The following SERPINB11 variants were observed in gnomAD, a reference collection of about 807,000 sequenced individuals.
SERPINB11 encodes the protein serpin B11.
SERPINB11 carries 32 observed loss-of-function variants against 36.7 expected under a neutral mutation model. That is an observed-to-expected ratio of 0.87 (90% CI 0.66 to 1.17). The LOEUF (loss-of-function observed/expected upper bound fraction) is 1.17. Ranked by LOEUF, SERPINB11 falls within the 50% of genes most tolerant of loss-of-function variation. The pLI is 0.00. For synonymous variants in SERPINB11, 174 were observed against 168.1 expected, an observed-to-expected ratio of 1.04 and a Z score of -0.27; for missense variants, 528 against 458.4, an observed-to-expected ratio of 1.15 and a Z score of -1.39.
intron 3 of SERPINB11, 70 bp from the exon 4 acceptor site, chr18:63,712,491 CTAGA>C: frequency 2.6e-6 from 4 of 1,522,934 alleles, no homozygotes; most frequent in Non-Finnish European, 3.6e-6. Context: ...ACCTTGCTCT[CTAGA>C]TAGTTATCAT....
intron 1 of SERPINB11, among the ~76,000 whole-genome samples, chr18:63,704,777 C>T (rs1424329147): frequency 6.6e-6 from 1 of 152,170 alleles, no homozygotes; most frequent in Non-Finnish European, 1.5e-5. Context: ...GAATAATACA[C>T]ATATAGTACT....
chr18:63,712,776 A>G, intron 4 of SERPINB11, 83 bp downstream of exon 4: 1 of 1,410,624 alleles, frequency 7.1e-7, no homozygotes, highest in South Asian at 1.2e-5. Context: ...GAGTGAGAAG[A>G]GTCACATGAC....
intron 5 of SERPINB11, among the ~76,000 whole-genome samples, chr18:63,716,602 C>T (rs549183947): frequency 6.6e-6 from 1 of 152,264 alleles, no homozygotes; most frequent in African/African-American, 2.4e-5. Flanking sequence ...CTCACCCTTT[C>T]TCCAACACTT....
intron 1 of SERPINB11, among the ~76,000 whole-genome samples, chr18:63,709,695 T>A (rs1914467217): frequency 6.6e-6 from 1 of 151,656 alleles, no homozygotes; most frequent in African/African-American, 2.4e-5. Flanking sequence ...GCGAGTGCTG[T>A]CAACTTGTTT....
rs1914894440 is a variant in SERPINB11 at position 63,723,875 on chromosome 18, A to G, written c.*476A>G. The G allele has an allele frequency of 6.5e-6, 1 of 154,788 alleles. No individual in the cohort carries two copies. Among genetic ancestry groups the G allele is most frequent in the Admixed American group, 6.5e-5 (1 of 15,380 alleles). 9.6% of individuals were successfully genotyped at this position (154,788 alleles called of 1,614,324 possible). A position where few individuals can be genotyped will look rare whatever the true frequency, so the allele number is the denominator to read the frequency against. ...ATTCTCTGTTGAGAATAATAAATGC[A>G]TGAAATACCTTAAAGCTCTGTGAAG... On this transcript the variant is annotated 3_prime_UTR_variant, in exon 8 of 8. Coordinates refer to ENST00000544088, the MANE Select transcript of SERPINB11 (RefSeq NM_001370475.1).
intron 1 of SERPINB11, chr18:63,705,143 C>T (rs1914338774): frequency 6.6e-6 from 1 of 152,284 alleles, no homozygotes; most frequent in Admixed American, 6.5e-5. Flanking sequence ...GGTGCAGTCA[C>T]TGCTCACAGC....
chr18:63,709,147 A>G (rs965080085), intron 1 of SERPINB11, among the ~76,000 whole-genome samples: 17 of 152,226 alleles, frequency 1.1e-4, no homozygotes, highest in African/African-American at 3.9e-4. Context: ...ATATTCCAGC[A>G]TCATCTTTTC....
chr18:63,722,228 G>A (rs1411534012), intron 7 of SERPINB11, among the ~76,000 whole-genome samples: 1 of 152,144 alleles, frequency 6.6e-6, no homozygotes, highest in African/African-American at 2.4e-5. Flanking sequence ...TTGCTTTTTG[G>A]TGGCTTTTAT....
At chr18:63,713,111 C>A (rs1914571451) in intron 4 of SERPINB11, among the ~76,000 whole-genome samples, 1 of 152,122 alleles carries the variant, frequency 6.6e-6, no homozygotes, top group African/African-American at 2.4e-5. Flanking sequence ...TAACTTTGGG[C>A]AAGTCACTTC....
chr18:63,705,830 C>T (rs142654393), intron 1 of SERPINB11: 5 of 152,304 alleles, frequency 3.3e-5, no homozygotes, highest in African/African-American at 9.6e-5. Flanking sequence ...TTACTTAATT[C>T]ACTAAAATGC....
chr18:63,720,409 C>G (rs1450937238), intron 6 of SERPINB11: 6 of 463,868 alleles, frequency 1.3e-5, no homozygotes, highest in African/African-American at 6.1e-5. Flanking sequence ...TCTTAATGCT[C>G]TCTTGGCTTA....
At chr18:63,715,165 T>C (rs971817464) in intron 4 of SERPINB11, among the ~76,000 whole-genome samples, 1 of 152,204 alleles carries the variant, frequency 6.6e-6, no homozygotes, top group African/African-American at 2.4e-5. Context: ...TGTATTGTTC[T>C]ATTCAGTTCA....
intron 3 of SERPINB11, among the ~76,000 whole-genome samples, chr18:63,711,863 T>C (rs1223314014): frequency 1.3e-5 from 2 of 152,106 alleles, no homozygotes; most frequent in Non-Finnish European, 2.9e-5. Flanking sequence ...TATATAGAAC[T>C]CCTACATGAA....
rs930997232 is a variant in SERPINB11 at position 63,712,638 on chromosome 18, G to A, written c.302G>A (p.Cys101Tyr). 6.2e-7 allele frequency: 1 copy of A among 1,613,806 alleles called. No homozygotes were observed. The highest frequency in any genetic ancestry group is 8.5e-7 in the Non-Finnish European group (1 of 1,179,752). Residue 101 changes from cysteine (C) to tyrosine (Y), a missense_variant, in exon 4 of 8, where the codon TGT (cysteine) becomes TAT (tyrosine). Coordinates refer to ENST00000544088, the MANE Select transcript of SERPINB11 (RefSeq NM_001370475.1). Reference sequence around the variant, plus strand: ...CAAATCAACCAGCCAGACTCTAACTGTACCCTCAGCATTGCCAACAGGCTC... The same window carrying A: ...CAAATCAACCAGCCAGACTCTAACTATACCCTCAGCATTGCCAACAGGCTC... ...FSQINQPDSN[C>Y]TLSIANRLYG...
chr18:63,720,176 C>T, intron 6 of SERPINB11, 21 bp downstream of exon 6: 3 of 1,578,084 alleles, frequency 1.9e-6, no homozygotes, highest in Non-Finnish European at 2.6e-6. Context: ...TATTTTCAGA[C>T]TCATGACAAA....
chr18:63,705,812 C>T (rs1185660010), intron 1 of SERPINB11: 1 of 152,180 alleles, frequency 6.6e-6, no homozygotes, highest in Non-Finnish European at 1.5e-5. Context: ...GAATGCAACT[C>T]CACTAGCTTA....
intron 1 of SERPINB11, among the ~76,000 whole-genome samples, chr18:63,704,688 T>G (rs1914324887): frequency 6.6e-6 from 1 of 152,142 alleles, no homozygotes; most frequent in South Asian, 2.1e-4. Flanking sequence ...GTACTATGAG[T>G]TCAATGCTTG....
Position 63,722,931 on chromosome 18 carries a change from A to C in SERPINB11, c.775-64A>C. ...CTCACACTGAGAATTATAAAAACAT[A>C]TGATATTTAATGTAGAGGTCGTGTG... On this transcript the variant is annotated intron_variant, in intron 7 of 7. Transcript: ENST00000544088. 3 of 1,420,642 alleles carry C rather than the reference A, an allele frequency of 2.1e-6. No homozygotes were observed. The South Asian group carries it at 4.6e-5, about 22-fold the overall frequency. The allele number at this position is 1,420,642 out of a possible 1,614,324, so 88.0% of individuals were successfully genotyped here.
intron 1 of SERPINB11, among the ~76,000 whole-genome samples, chr18:63,706,342 A>T (rs1385292940): frequency 6.6e-6 from 1 of 152,244 alleles, no homozygotes; most frequent in Non-Finnish European, 1.5e-5. Context: ...AATTGATGAC[A>T]AACAAGGACA....
Sources: gnomAD v4.1 joint callset for allele counts (sites outside exome capture counted in the v4.1 genomes callset) on GRCh38, gnomAD v4.1.1 for gene constraint, MANE v1.5 for transcripts, NCBI Gene and HGNC (gene_info 2026-07-23, HGNC 2026-07-21) for gene names.